Variants in RBMS1 observed in about 807,000 individuals in gnomAD.
RBMS1 encodes RNA-binding motif, single-stranded-interacting protein 1.
In RBMS1, 17 loss-of-function variants were observed where a neutral mutation model predicts 62.3. The ratio of observed to expected loss-of-function variants is 0.27; its 90% CI spans 0.19 to 0.41. The LOEUF is 0.41. RBMS1 is among the 10% of genes least tolerant of loss of function. The pLI is 1.00. For synonymous variants in RBMS1, 172 were observed against 170.0 expected, an observed-to-expected ratio of 1.01 and a Z score of -0.09; for missense variants, 334 against 504.5, an observed-to-expected ratio of 0.66 and a Z score of 3.24.
chr2:160,274,459 CT>C lies in RBMS1; in HGVS notation c.*312del, dbSNP rs769012240. On this transcript the variant is annotated 3_prime_UTR_variant, in exon 14 of 14. Coordinates refer to ENST00000348849, the MANE Select transcript of RBMS1 (RefSeq NM_016836.4). ...ACCCAGAAAATTGAAGTTTTCTTTT[CT>C]TTTTTTTTTTCTTTTTCTTTTTTTG... 4.4e-4 allele frequency: 59 copies of C among 133,300 alleles called. No homozygotes were observed. The highest frequency in any genetic ancestry group is 4.0e-3 in the Middle Eastern group (1 of 250). The allele number at this position is 133,300 out of a possible 1,614,324, so 8.3% of individuals were successfully genotyped here. A position where few individuals can be genotyped will look rare whatever the true frequency, so the allele number is the denominator to read the frequency against.
At chr2:160,394,537 G>A (rs1410606923) in intron 1 of RBMS1, among the ~76,000 whole-genome samples, 1 of 152,126 alleles carries the variant, frequency 6.6e-6, no homozygotes, top group Non-Finnish European at 1.5e-5. Flanking sequence ...CAGCTTTCTT[G>A]ACTTTGTAAA....
intron 1 of RBMS1, among the ~76,000 whole-genome samples, chr2:160,421,979 G>C (rs1172268930): frequency 2.0e-5 from 3 of 152,158 alleles, no homozygotes. Context: ...GCCATTTATA[G>C]TAATGAGTAG....
chr2:160,380,146 AG>A (rs2105186451), intron 1 of RBMS1, among the ~76,000 whole-genome samples: 1 of 152,358 alleles, frequency 6.6e-6, no homozygotes, highest in African/African-American at 2.4e-5. Context: ...GCACAAAATA[AG>A]AAAATGACAC....
intron 1 of RBMS1, among the ~76,000 whole-genome samples, chr2:160,392,107 C>T (rs766975087): frequency 1.1e-4 from 16 of 152,300 alleles, no homozygotes; most frequent in African/African-American, 1.4e-4. Flanking sequence ...TTTAACCAAA[C>T]CTATGAATCA....
intron 1 of RBMS1, among the ~76,000 whole-genome samples, chr2:160,487,341 G>A (rs1395849138): frequency 1.3e-5 from 2 of 152,214 alleles, no homozygotes; most frequent in Non-Finnish European, 2.9e-5. Flanking sequence ...ATCAGCTGGT[G>A]TGCTGCTTTC....
chr2:160,286,956 AG>A lies in RBMS1; in HGVS notation c.756+12del. The A allele has an allele frequency of 6.2e-7, 1 of 1,609,882 alleles. No homozygotes were observed. Among genetic ancestry groups the A allele is most frequent in the South Asian group, 1.1e-5 (1 of 90,832 alleles). On this transcript the variant is annotated intron_variant, in intron 7 of 13. Transcript: ENST00000348849. ...CCCTCCCCCACCCCGCAAAGTTTCA[AG>A]AAAGGACTTACAAGTCTCACCTCTC...
In RBMS1 at chr2:160,493,798, G is replaced by C. The variant is rs976701799; in HGVS notation, c.-435C>G. The C allele has an allele frequency of 1.2e-5, 2 of 169,418 alleles. No homozygotes were observed. Among genetic ancestry groups the C allele is most frequent in the African/African-American group, 4.8e-5 (2 of 41,410 alleles). The allele number at this position is 169,418 out of a possible 1,614,324, so 10.5% of individuals were successfully genotyped here. A position where few individuals can be genotyped will look rare whatever the true frequency, so the allele number is the denominator to read the frequency against. ...GCAGCGGCGGCTGCGCTTGGTGCCAGGCGGCATCTGGGGTGGGTGCGCCCG... is the reference window on the plus strand; with the variant it reads ...GCAGCGGCGGCTGCGCTTGGTGCCACGCGGCATCTGGGGTGGGTGCGCCCG... On this transcript the variant is annotated 5_prime_UTR_variant, in exon 1 of 14. Coordinates refer to ENST00000348849, the MANE Select transcript of RBMS1 (RefSeq NM_016836.4).
chr2:160,311,224 CTATCTATCTATA>C lies in RBMS1; in HGVS notation c.402+1920_402+1931del, dbSNP rs1359292835. On this transcript the variant is annotated intron_variant, in intron 4 of 13. Transcript: ENST00000348849. ...AAAAAAAAAAAATCTATCTATCTAT[CTATCTATCTATA>C]TATATATATATATATATATATAGTC... Among the ~76,000 whole-genome samples the C allele has an allele frequency of 2.6e-4, 15 of 56,604 alleles. 1 individual carries two copies. The highest frequency in any genetic ancestry group is 9.2e-4 in the African/African-American group (15 of 16,236). 37.1% of individuals were successfully genotyped at this position (56,604 alleles called of 152,430 possible). A position where few individuals can be genotyped will look rare whatever the true frequency, so the allele number is the denominator to read the frequency against.
chr2:160,487,186 T>C (rs1685633795), intron 1 of RBMS1, among the ~76,000 whole-genome samples: 1 of 152,240 alleles, frequency 6.6e-6, no homozygotes, highest in Non-Finnish European at 1.5e-5. Context: ...AAAATTCATT[T>C]ATTCATTTAA....
intron 6 of RBMS1, among the ~76,000 whole-genome samples, chr2:160,294,457 A>C (rs1038149304): frequency 6.6e-6 from 1 of 152,178 alleles, no homozygotes; most frequent in African/African-American, 2.4e-5. Flanking sequence ...GGGTATGGAA[A>C]GAATATGGTG....
At chr2:160,485,973 G>A (rs763891240) in intron 1 of RBMS1, among the ~76,000 whole-genome samples, 7 of 152,046 alleles carry the variant, frequency 4.6e-5, no homozygotes, top group African/African-American at 7.2e-5. Flanking sequence ...ATGATGAAAC[G>A]AAATTGTTGT....
chr2:160,308,542 C>A (rs1266278485), intron 4 of RBMS1, among the ~76,000 whole-genome samples: 2 of 152,132 alleles, frequency 1.3e-5, no homozygotes, highest in African/African-American at 4.8e-5. Context: ...GAACAATAAA[C>A]CCACTGACAT....
intron 1 of RBMS1, among the ~76,000 whole-genome samples, chr2:160,381,232 T>C (rs921279047): frequency 1.3e-5 from 2 of 152,204 alleles, no homozygotes; most frequent in African/African-American, 2.4e-5. Flanking sequence ...AACAATGTTT[T>C]CCCTTAATAG....
intron 4 of RBMS1, 56 bp downstream of exon 4, chr2:160,313,100 C>A: frequency 1.3e-6 from 2 of 1,531,556 alleles, no homozygotes; most frequent in South Asian, 2.3e-5. Flanking sequence ...GCAGACCTGT[C>A]GGGCTTCACA....
chr2:160,329,551 A>C (rs1459561965), intron 2 of RBMS1, among the ~76,000 whole-genome samples: 2 of 152,194 alleles, frequency 1.3e-5, no homozygotes, highest in African/African-American at 4.8e-5. Flanking sequence ...CTTGAAACTC[A>C]AGAAAATCAG....
chr2:160,365,243 C>T (rs979390776), intron 2 of RBMS1, among the ~76,000 whole-genome samples: 1 of 152,194 alleles, frequency 6.6e-6, no homozygotes, highest in African/African-American at 2.4e-5. Context: ...GAGATAGACT[C>T]TTCTGTTATT....
At chr2:160,446,182 G>T (rs558615884) in intron 1 of RBMS1, among the ~76,000 whole-genome samples, 2 of 152,234 alleles carry the variant, frequency 1.3e-5, no homozygotes, top group East Asian at 1.9e-4. Context: ...AAGTATCAAA[G>T]AATATGAGAC....
chr2:160,447,555 G>A (rs1683707779), intron 1 of RBMS1, among the ~76,000 whole-genome samples: 1 of 152,206 alleles, frequency 6.6e-6, no homozygotes, highest in South Asian at 2.1e-4. Context: ...TCCACTGGGT[G>A]GTGAAATTCT....
chr2:160,491,811 T>C (rs182281830), intron 1 of RBMS1, among the ~76,000 whole-genome samples: 2 of 152,172 alleles, frequency 1.3e-5, no homozygotes, highest in Admixed American at 1.3e-4. Context: ...CACAGAAAAC[T>C]AGCATCTCCT....
Sources: allele counts gnomAD v4.1 joint callset (sites outside exome capture counted in the v4.1 genomes callset), GRCh38; gene constraint gnomAD v4.1.1; transcripts MANE v1.5; gene names NCBI Gene and HGNC (gene_info 2026-07-23, HGNC 2026-07-21).